The following STRN4 variants were observed in gnomAD, a reference collection of about 807,000 sequenced individuals.
STRN4 encodes striatin-4.
STRN4 carries 27 observed loss-of-function variants against 77.9 expected under a neutral mutation model. The observed-to-expected ratio is 0.35, with a 90% confidence interval of 0.26 to 0.48. The LOEUF is 0.48. STRN4 is among the 20% of genes least tolerant of loss of function. The pLI is 0.99. For missense variants in STRN4, 798 were observed against 1,049.7 expected, an observed-to-expected ratio of 0.76 and a Z score of 3.31; for synonymous variants, 466 against 443.1, an observed-to-expected ratio of 1.05 and a Z score of -0.65.
Position 46,723,173 on chromosome 19 carries a change from C to A in STRN4, c.1706G>T (p.Arg569Leu). 1 of 1,563,820 alleles carries A rather than the reference C, an allele frequency of 6.4e-7. No individual in the cohort carries two copies. Among genetic ancestry groups the A allele is most frequent in the Non-Finnish European group, 8.7e-7 (1 of 1,155,086 alleles). ...GCTGCTGCTGCTGGGGTCCCAGATG[C>A]GGACGGTGCCATCAGCAGAACAGGA... ...LASCSADGTV[R>L]IWDPSSSSPA... is the part of the protein sequence containing the mutation. Residue 569 changes from arginine (R) to leucine (L), a missense_variant, in exon 13 of 18, where the codon CGC (arginine) becomes CTC (leucine). This residue lies in a region of STRN4 where 287 missense variants were observed against 473.8 expected (regional missense o/e 0.61). Coordinates refer to ENST00000263280, the MANE Select transcript of STRN4 (RefSeq NM_013403.3). The surrounding 1 kb of genome is among the most constrained non-coding windows in gnomAD (Gnocchi z 5.5).
chr19:46,730,072 G>A (rs373486970), intron 6 of STRN4, among the ~76,000 whole-genome samples: 4 of 152,328 alleles, frequency 2.6e-5, no homozygotes, highest in South Asian at 2.1e-4. Context: ...GTGGAGGGGT[G>A]GAAAAGGACT....
In STRN4 at chr19:46,722,472, A is replaced by G. The variant is rs1035078560; in HGVS notation, c.1907-132T>C. 3.1e-6 allele frequency: 3 copies of G among 967,960 alleles called. No homozygotes were observed. The African/African-American group carries it at 4.8e-5, about 16-fold the overall frequency. 60.0% of individuals were successfully genotyped at this position (967,960 alleles called of 1,614,324 possible). ...ATGTCGAGGGGGGCTGGGCGAGGGC[A>G]CTCCGGTCCCCGACCGCAGCGCTGG... is the stretch of plus-strand genomic sequence containing the variant. On this transcript the variant is annotated intron_variant, in intron 14 of 17. Coordinates refer to ENST00000263280, the MANE Select transcript of STRN4 (RefSeq NM_013403.3).
chr19:46,722,574 C>T (rs1055192460), intron 14 of STRN4, among the ~76,000 whole-genome samples: 1 of 152,214 alleles, frequency 6.6e-6, no homozygotes, highest in Non-Finnish European at 1.5e-5. Flanking sequence ...TTCCGCCACT[C>T]TACCAAGAGG....
chr19:46,735,093 C>T (rs1279658933), intron 4 of STRN4, among the ~76,000 whole-genome samples: 1 of 151,874 alleles, frequency 6.6e-6, no homozygotes, highest in Non-Finnish European at 1.5e-5. Context: ...ATCACTTGAG[C>T]TCGGGTGTTC....
At chr19:46,730,579 C>G (rs2054225376) in intron 6 of STRN4, among the ~76,000 whole-genome samples, 153 bp downstream of exon 6, 3 of 152,194 alleles carry the variant, frequency 2.0e-5, no homozygotes. Context: ...AAGGCCGCTG[C>G]TGGCCACAAG....
Position 46,733,177 on chromosome 19 carries a change from C to G in STRN4, c.599G>C (p.Arg200Pro). The change falls in exon 5 of 18, where the codon CGT becomes CCT. Residue 200 changes from arginine (R) to proline (P), a missense_variant. Around this residue, in one of 2 missense-constraint regions of STRN4, gnomAD observed 511 missense variants for 575.9 expected, o/e 0.89. Coordinates refer to ENST00000263280, the MANE Select transcript of STRN4 (RefSeq NM_013403.3). This position sits in a 1 kb window ranked among gnomAD's most constrained non-coding sequence, Gnocchi z 4.3. Reference protein sequence around the residue: ...TILDMRSKRVRSLLGRSLELN... With the variant: ...TILDMRSKRVPSLLGRSLELN... ...CTCCAGCGAGCGGCCCAGCAGGGAA[C>G]GGACGCGCTTGGACCGCATGTCGAG... The G allele has an allele frequency of 6.2e-7, 1 of 1,611,496 alleles. No individual in the cohort carries two copies. Among genetic ancestry groups the G allele is most frequent in the Non-Finnish European group, 8.5e-7 (1 of 1,180,006 alleles).
intron 4 of STRN4, among the ~76,000 whole-genome samples, chr19:46,734,608 T>C (rs1202416339): frequency 6.6e-6 from 1 of 152,136 alleles, no homozygotes; most frequent in Admixed American, 6.5e-5. Context: ...AGGAAGGAAA[T>C]TATGAGGTCT....
In STRN4 at chr19:46,738,191, C is replaced by T. The variant is rs746531803; in HGVS notation, c.433G>A (p.Glu145Lys). ...LKFGTDLNQG[E>K]KKADVSEQVS... is the part of the protein sequence containing the mutation. ...TGTTCTGACACATCTGCTTTCTTCT[C>T]CCCCTGGTTCAGGTCTGTCCCAAAC... Residue 145 changes from glutamate (E) to lysine (K), a missense_variant, in exon 3 of 18, where the codon GAG becomes AAG. Physicochemically the swap from Glu to Lys is moderately conservative, Grantham distance 56. Around this residue, in one of 2 missense-constraint regions of STRN4, gnomAD observed 511 missense variants for 575.9 expected, o/e 0.89. Transcript: ENST00000263280. The surrounding 1 kb of genome is among the most constrained non-coding windows in gnomAD (Gnocchi z 4.5). The T allele has an allele frequency of 6.2e-6, 10 of 1,614,056 alleles. No homozygotes were observed. The highest frequency in any genetic ancestry group is 3.3e-5 in the Admixed American group (2 of 60,006).
intron 7 of STRN4, 115 bp from the exon 8 acceptor site, chr19:46,728,122 T>G: frequency 1.4e-5 from 14 of 986,618 alleles, no homozygotes; most frequent in Non-Finnish European, 2.2e-5. Context: ...TGTGAAGCTC[T>G]GGCCCTGGGG....
Position 46,741,763 on chromosome 19 carries a change from G to A in STRN4, c.283-2875C>T, listed in dbSNP as rs1056914002. ...GCTTCGGAGGAGTCCCAGCAATTCA[G>A]TCCTCCCAGGAGCTGATGCCTCTCT... On this transcript the variant is annotated intron_variant, in intron 1 of 17. Transcript: ENST00000263280. The surrounding 1 kb of genome is among the most constrained non-coding windows in gnomAD (Gnocchi z 4.9). Among the ~76,000 whole-genome samples the A allele has an allele frequency of 1.3e-5, 2 of 152,224 alleles. No homozygotes were observed. The highest frequency in any genetic ancestry group is 4.8e-5 in the African/African-American group (2 of 41,458).
Position 46,738,205 on chromosome 19 carries a change from T to C in STRN4, c.419A>G (p.Asp140Gly). Residue 140 changes from aspartate (D) to glycine (G), a missense_variant, in exon 3 of 18, where the codon GAC becomes GGC. By Grantham distance (94) the Asp-to-Gly change is moderately conservative. Coordinates refer to ENST00000263280, the MANE Select transcript of STRN4 (RefSeq NM_013403.3). The surrounding 1 kb of genome is among the most constrained non-coding windows in gnomAD (Gnocchi z 4.5). ...AKYHKLKFGTDLNQGEKKADV... is the reference protein window; with the variant it reads ...AKYHKLKFGTGLNQGEKKADV... ...TGCTTTCTTCTCCCCCTGGTTCAGGTCTGTCCCAAACTTCAGTTTATGATA... is the reference window on the plus strand; with the variant it reads ...TGCTTTCTTCTCCCCCTGGTTCAGGCCTGTCCCAAACTTCAGTTTATGATA... 3 of 1,614,156 alleles carry C rather than the reference T, an allele frequency of 1.9e-6. No individual in the cohort carries two copies. The highest frequency in any genetic ancestry group is 2.5e-6 in the Non-Finnish European group (3 of 1,180,020).
In STRN4 at chr19:46,722,453, A is replaced by AG; in HGVS notation, c.1907-114dup. Reference sequence around the variant, plus strand: ...TACACCAGCCTCTGCCTGGATGTCGAGGGGGGCTGGGCGAGGGCACTCCGG... The same window carrying AG: ...TACACCAGCCTCTGCCTGGATGTCGAGGGGGGGCTGGGCGAGGGCACTCCGG... On this transcript the variant is annotated intron_variant, in intron 14 of 17. Coordinates refer to ENST00000263280, the MANE Select transcript of STRN4 (RefSeq NM_013403.3). The AG allele has an allele frequency of 5.1e-6, 6 of 1,172,154 alleles. No homozygotes were observed. The South Asian group carries it at 5.2e-5, about 10-fold the overall frequency. The allele number at this position is 1,172,154 out of a possible 1,614,324, so 72.6% of individuals were successfully genotyped here. A position where few individuals can be genotyped will look rare whatever the true frequency, so the allele number is the denominator to read the frequency against.
In STRN4 at chr19:46,738,772, G is replaced by A. The variant is rs371804776; in HGVS notation, c.386+13C>T. On this transcript the variant is annotated intron_variant, in intron 2 of 17. Coordinates refer to ENST00000263280, the MANE Select transcript of STRN4 (RefSeq NM_013403.3). This position sits in a 1 kb window ranked among gnomAD's most constrained non-coding sequence, Gnocchi z 4.5. ...GACCCAGAAGGCAGGCCCAGGGCAG[G>A]ATGAAGGCTCACCTTTCCTGCTTCA... is the stretch of plus-strand genomic sequence containing the variant. The A allele has an allele frequency of 4.3e-6, 7 of 1,613,852 alleles. No individual in the cohort carries two copies. Among genetic ancestry groups the A allele is most frequent in the Middle Eastern group, 1.7e-4 (1 of 5,964 alleles).
At chr19:46,725,206 G>T in intron 11 of STRN4, 126 bp downstream of exon 11, 1 of 1,327,350 alleles carries the variant, frequency 7.5e-7, no homozygotes, top group Non-Finnish European at 1.1e-6. Context: ...TCATGAAGGG[G>T]GCGGGGACTC....
At position 46,742,852 on chromosome 19, in the gene STRN4, C is replaced by T. The variant is rs536963584; in HGVS notation, c.282+3297G>A. Among the ~76,000 whole-genome samples the T allele has an allele frequency of 5.3e-5, 8 of 152,362 alleles. No individual in the cohort carries two copies. The South Asian group carries it at 6.2e-4, about 12-fold the overall frequency. On this transcript the variant is annotated intron_variant, in intron 1 of 17. Coordinates refer to ENST00000263280, the MANE Select transcript of STRN4 (RefSeq NM_013403.3). ...CTGGGATTACAGGCGCGAGCCACCG[C>T]GCCCAGCCCAATCACTGTTTCATAA...
intron 8 of STRN4, 169 bp from the exon 9 acceptor site, chr19:46,727,715 C>A: frequency 1.4e-6 from 1 of 738,736 alleles, no homozygotes; most frequent in Non-Finnish European, 2.2e-6. Flanking sequence ...GAGAGACAGA[C>A]AGGGCAGGAC....
intron 9 of STRN4, among the ~76,000 whole-genome samples, chr19:46,727,148 C>A (rs1229023764): frequency 6.6e-6 from 1 of 152,240 alleles, no homozygotes; most frequent in Non-Finnish European, 1.5e-5. Flanking sequence ...GCTGCCCATT[C>A]ACACTAGATT....
At chr19:46,740,186 G>A (rs1255048243) in intron 1 of STRN4, 2 of 152,394 alleles carry the variant, frequency 1.3e-5, no homozygotes, top group Middle Eastern at 3.4e-3. Flanking sequence ...CTACTCGGGA[G>A]GCTGAGGCAG....
Position 46,736,959 on chromosome 19 carries a change from C to A in STRN4, c.461-58G>T, listed in dbSNP as rs547870662. 22 of 1,567,840 alleles carry A rather than the reference C, an allele frequency of 1.4e-5. No homozygotes were observed. The South Asian group carries it at 2.5e-4, about 18-fold the overall frequency. ...TCAGGCCACTGCCACCTACCCATCA[C>A]CTCCTCCATCTTCCTCACCCCTCCA... On this transcript the variant is annotated intron_variant, in intron 3 of 17. Coordinates refer to ENST00000263280, the MANE Select transcript of STRN4 (RefSeq NM_013403.3).
Sources: allele counts gnomAD v4.1 joint callset (sites outside exome capture counted in the v4.1 genomes callset), GRCh38; gene constraint gnomAD v4.1.1; regional missense constraint gnomAD v4.1.1; non-coding constraint Gnocchi (gnomAD v3.1); transcripts MANE v1.5; gene names NCBI Gene and HGNC (gene_info 2026-07-23, HGNC 2026-07-21).